Variants in FRAS1 observed in about 807,000 individuals in gnomAD.
FRAS1 encodes the protein extracellular matrix organizing protein FRAS1.
Under a neutral mutation model 435.2 loss-of-function variants are expected in FRAS1, and 290 were observed. The observed-to-expected ratio is 0.67, with a 90% CI of 0.61 to 0.73. FRAS1 has a LOEUF of 0.73. Among genes scored for constraint, FRAS1 ranks in the 30% least tolerant of loss-of-function variants. The pLI is 0.00. For synonymous variants in FRAS1, 1,800 were observed against 1,851.0 expected, an observed-to-expected ratio of 0.97 and a Z score of 0.71; for missense variants, 4,860 against 5,001.5, an observed-to-expected ratio of 0.97 and a Z score of 0.85.
At chr4:78,336,386 GA>G (rs1052732802) in intron 19 of FRAS1, among the ~76,000 whole-genome samples, 1 of 152,144 alleles carries the variant, frequency 6.6e-6, no homozygotes, top group African/African-American at 2.4e-5. Context: ...TTTAGGGGAG[GA>G]AAGTCTGGGT....
intron 2 of FRAS1, among the ~76,000 whole-genome samples, chr4:78,222,801 C>T (rs762600476): frequency 6.6e-5 from 10 of 152,192 alleles, no homozygotes; most frequent in East Asian, 1.9e-4. Flanking sequence ...TTTCAACTTC[C>T]GCTGCATTTT....
intron 2 of FRAS1, among the ~76,000 whole-genome samples, chr4:78,111,897 G>T (rs367676826): frequency 2.0e-5 from 3 of 151,928 alleles, no homozygotes; most frequent in African/African-American, 7.3e-5. Context: ...AGAAAAGCAG[G>T]CTTACTGCAG....
intron 2 of FRAS1, among the ~76,000 whole-genome samples, chr4:78,082,299 C>T (rs1740933288): frequency 6.6e-6 from 1 of 151,986 alleles, no homozygotes. Context: ...TATCCTATTA[C>T]CTTTATGCTT....
chr4:78,168,421 AT>A (rs1317407041), intron 2 of FRAS1, among the ~76,000 whole-genome samples: 1 of 151,244 alleles, frequency 6.6e-6, no homozygotes, highest in Non-Finnish European at 1.5e-5. Context: ...TTAGCGTAGC[AT>A]TTTTGCTTCC....
At chr4:78,441,353 G>A (rs1233520075) in intron 41 of FRAS1, 56 bp downstream of exon 41, 3 of 1,515,376 alleles carry the variant, frequency 2.0e-6, no homozygotes, top group Non-Finnish European at 1.8e-6. Context: ...GGAGAGGGAG[G>A]AGGACCTTGC....
Position 78,482,471 on chromosome 4 carries a change from A to C in FRAS1, c.8688A>C (p.Ala2896=), listed in dbSNP as rs1720040525. Residue 2896 remains alanine (A), a synonymous_variant, in exon 58 of 74, where the codon GCA becomes GCC. Transcript: ENST00000512123. ...CATTTGTGGTTTTCCTCAGCTCAGCACAAGGAGCCGAACTGACCAAACCCT... is the reference window on the plus strand; with the variant it reads ...CATTTGTGGTTTTCCTCAGCTCAGCCCAAGGAGCCGAACTGACCAAACCCT... ...LETFVVFLSS[A]QGAELTKPFQ... 1 of 1,613,832 alleles carries C rather than the reference A, an allele frequency of 6.2e-7. No individual in the cohort carries two copies. Among genetic ancestry groups the C allele is most frequent in the Non-Finnish European group, 8.5e-7 (1 of 1,179,824 alleles).
At chr4:78,442,359 G>A (rs1734692998) in intron 41 of FRAS1, among the ~76,000 whole-genome samples, 1 of 152,262 alleles carries the variant, frequency 6.6e-6, no homozygotes, top group Non-Finnish European at 1.5e-5. Flanking sequence ...TGCCAGGACA[G>A]GGAAAGGAGC....
intron 51 of FRAS1, among the ~76,000 whole-genome samples, chr4:78,471,539 A>G (rs866664368): frequency 9.2e-5 from 14 of 152,134 alleles, no homozygotes; most frequent in African/African-American, 2.7e-4. Flanking sequence ...AAAGTCACCA[A>G]TGACCTCTAT....
At chr4:78,477,409 G>A (rs1365383175) in intron 54 of FRAS1, among the ~76,000 whole-genome samples, 1 of 152,138 alleles carries the variant, frequency 6.6e-6, no homozygotes, top group Non-Finnish European at 1.5e-5. Flanking sequence ...AATACAGCTT[G>A]GAAGTAACAG....
In FRAS1 at chr4:78,540,809, T is replaced by C. The variant is rs151307846; in HGVS notation, c.11724T>C (p.Ser3908=). The C allele has an allele frequency of 4.3e-4, 697 of 1,613,952 alleles. 2 individuals carry two copies. The African/African-American group carries it at 8.6e-3, about 20-fold the overall frequency. ...SLSQTGASIG[S]ALAAIMLLLL... The stretch of plus-strand genomic sequence containing the variant: ...CACAGACTGGGGCGTCCATTGGCAG[T>C]GCCCTGGCTGCAATCATGCTTCTAC... The change falls in exon 74 of 74, where the codon AGT becomes AGC. Residue 3908 remains serine, a synonymous_variant. Transcript: ENST00000512123.
chr4:78,329,769 A>G (rs1729869488), intron 18 of FRAS1, among the ~76,000 whole-genome samples: 2 of 152,248 alleles, frequency 1.3e-5, no homozygotes, highest in Non-Finnish European at 2.9e-5. Context: ...ATCATTGGAC[A>G]TAACTAAATT....
In FRAS1 at chr4:78,473,485, A is replaced by G; in HGVS notation, c.7570A>G (p.Ile2524Val). ...TCGTTATGTGTTGCACAAGGAGAAG[A>G]TCCGTGAGATGATGGATAGTTTTCA... ...LIRYVLHKEKIREMMDSFQFL... is the reference protein window; with the variant it reads ...LIRYVLHKEKVREMMDSFQFL... Residue 2524 changes from isoleucine (I) to valine (V), a missense_variant, in exon 53 of 74, where the codon ATC (isoleucine) becomes GTC (valine). Coordinates refer to ENST00000512123, the MANE Select transcript of FRAS1 (RefSeq NM_025074.7). The G allele has an allele frequency of 6.2e-7, 1 of 1,613,608 alleles. No homozygotes were observed. Among genetic ancestry groups the G allele is most frequent in the Non-Finnish European group, 8.5e-7 (1 of 1,179,676 alleles).
At chr4:78,253,220 A>G (rs903212487) in intron 5 of FRAS1, among the ~76,000 whole-genome samples, 2 of 152,154 alleles carry the variant, frequency 1.3e-5, no homozygotes, top group African/African-American at 4.8e-5. Context: ...AAGAAAAAAT[A>G]TGGCTCTATT....
At chr4:78,182,290 T>C (rs1259727961) in intron 2 of FRAS1, among the ~76,000 whole-genome samples, 1 of 152,208 alleles carries the variant, frequency 6.6e-6, no homozygotes, top group East Asian at 1.9e-4. Context: ...TCATATGTGC[T>C]GCAGTGGAAA....
chr4:78,115,472 G>T (rs544151361), intron 2 of FRAS1, among the ~76,000 whole-genome samples: 3 of 152,152 alleles, frequency 2.0e-5, no homozygotes, highest in Admixed American at 6.5e-5. Flanking sequence ...ACTTTTTTTG[G>T]TTGGTAAGCT....
At chr4:78,386,742 T>C (rs543872979) in intron 28 of FRAS1, among the ~76,000 whole-genome samples, 3 of 152,342 alleles carry the variant, frequency 2.0e-5, no homozygotes, top group African/African-American at 7.2e-5. Flanking sequence ...CTTACTCAAC[T>C]TGGTGGGAGG....
At chr4:78,343,169 C>G (rs541160692) in intron 20 of FRAS1, among the ~76,000 whole-genome samples, 3 of 152,252 alleles carry the variant, frequency 2.0e-5, no homozygotes, top group African/African-American at 4.8e-5. Flanking sequence ...TTTCTGAGAA[C>G]CTTAAAAATG....
intron 2 of FRAS1, among the ~76,000 whole-genome samples, chr4:78,094,903 C>T (rs988860534): frequency 6.6e-6 from 1 of 152,056 alleles, no homozygotes; most frequent in Non-Finnish European, 1.5e-5. Flanking sequence ...TGGTGCTTAA[C>T]TCATGGGGGC....
intron 1 of FRAS1, among the ~76,000 whole-genome samples, chr4:78,064,938 G>T (rs1361051439): frequency 6.6e-6 from 1 of 151,624 alleles, no homozygotes; most frequent in Non-Finnish European, 1.5e-5. Flanking sequence ...GTTTCTGAGA[G>T]AGTAGGTGAC....
Sources: gnomAD v4.1 joint callset for allele counts (sites outside exome capture counted in the v4.1 genomes callset) on GRCh38, gnomAD v4.1.1 for gene constraint, MANE v1.5 for transcripts, NCBI Gene and HGNC (gene_info 2026-07-23, HGNC 2026-07-21) for gene names.